The following NPHP3 variants were observed in gnomAD, a reference collection of about 807,000 sequenced individuals.
NPHP3 encodes nephrocystin-3.
A neutral mutation model predicts 171.9 loss-of-function variants in NPHP3; 123 were observed. The observed-to-expected ratio is 0.72, with a 90% CI of 0.62 to 0.83. The LOEUF is 0.83. NPHP3 is among the 40% of genes least tolerant of loss of function. The pLI is 0.00. For missense variants in NPHP3, 1,506 were observed against 1,591.9 expected (o/e 0.95, Z 0.92); for synonymous variants, 558 against 579.2 (o/e 0.96, Z 0.52).
rs2107974643 is a variant in NPHP3 at position 132,694,899 on chromosome 3, T to C, written c.2238A>G (p.Ser746=). 1.2e-6 allele frequency: 2 copies of C among 1,613,814 alleles called. No homozygotes were observed. The highest frequency in any genetic ancestry group is 2.7e-5 in the African/African-American group (2 of 75,058). The change falls in exon 16 of 27, where the codon TCA becomes TCG. Residue 746 remains serine, a synonymous_variant. Coordinates refer to ENST00000337331, the MANE Select transcript of NPHP3 (RefSeq NM_153240.5). ...HQCFQCQDTL[S]LYRLVLHSIR... ...TAGAGTGCAGAACAAGTCTATATAA[T>C]GAAAGAGTATCTTGACACTGGAAAC... is the stretch of plus-strand genomic sequence containing the variant.
In NPHP3 at chr3:132,681,972, C is replaced by T; in HGVS notation, c.3931G>A (p.Asp1311Asn). 6.2e-7 allele frequency: 1 copy of T among 1,614,108 alleles called. No homozygotes were observed. Among genetic ancestry groups the T allele is most frequent in the South Asian group, 1.1e-5 (1 of 91,084 alleles). The part of the protein sequence containing the change: ...KAPSRHSSSG[D>N]TFSLKTAHSP... ...TGAGCTGTTTTTAAGCTAAACGTGT[C>T]TCCACTTGATGAATGGCGTGAAGGA... Residue 1311 changes from aspartate (D) to asparagine (N), a missense_variant, in exon 27 of 27, where the codon GAC becomes AAC. Physicochemically the swap from Asp to Asn is conservative, Grantham distance 23. This residue lies in a region of NPHP3 where 569 missense variants were observed against 648.1 expected (regional missense o/e 0.88). Coordinates refer to ENST00000337331, the MANE Select transcript of NPHP3 (RefSeq NM_153240.5).
In NPHP3 at chr3:132,696,802, T is replaced by C. The variant is rs1375620494; in HGVS notation, c.2100A>G (p.Leu700=). 1.2e-6 allele frequency: 2 copies of C among 1,613,812 alleles called. No individual in the cohort carries two copies. Among genetic ancestry groups the C allele is most frequent in the Non-Finnish European group, 8.5e-7 (1 of 1,179,822 alleles). The change falls in exon 15 of 27, where the codon CTA becomes CTG. Residue 700 remains leucine (L), a synonymous_variant. Transcript: ENST00000337331. The part of the protein sequence containing the change: ...IKLSKEQEKK[L]ERHCRSATTC... ...TTGTAGCAGAACGACAGTGTCGTTCTAGCTTCTTCTCCTGCACCAGTTTAC... is the reference window on the plus strand; with the variant it reads ...TTGTAGCAGAACGACAGTGTCGTTCCAGCTTCTTCTCCTGCACCAGTTTAC...
chr3:132,691,088 A>AT (rs1939287452), intron 18 of NPHP3, 104 bp downstream of exon 18: 1 of 884,412 alleles, frequency 1.1e-6, no homozygotes. Flanking sequence ...TTTTGTAATA[A>AT]TTAAGTTTTT....
chr3:132,715,884 G>A (rs1940037368), intron 4 of NPHP3, among the ~76,000 whole-genome samples: 1 of 152,154 alleles, frequency 6.6e-6, no homozygotes, highest in South Asian at 2.1e-4. Flanking sequence ...GGTATCAATG[G>A]AGGATTGGTA....
chr3:132,707,321 A>C (rs894511927), intron 7 of NPHP3, among the ~76,000 whole-genome samples: 10 of 152,148 alleles, frequency 6.6e-5, no homozygotes, highest in Non-Finnish European at 1.5e-4. Context: ...CAAAGTAGCC[A>C]GGCATGGTGG....
At chr3:132,709,959 A>G (rs1255276450) in intron 6 of NPHP3, among the ~76,000 whole-genome samples, 1 of 152,170 alleles carries the variant, frequency 6.6e-6, no homozygotes, top group Non-Finnish European at 1.5e-5. Flanking sequence ...CTGTTCAGGC[A>G]CACGTCCATA....
At chr3:132,700,084 AACTGAAGTAGTTACACGTAGTT>A (rs1354823443) in intron 11 of NPHP3, 23 bp from the exon 12 acceptor site, 1 of 1,613,210 alleles carries the variant, frequency 6.2e-7, no homozygotes, top group South Asian at 1.1e-5. Context: ...AACACACACA[AACTGAAGTAGTTACACGTAGTT>A]ACTGAAGTAG....
intron 5 of NPHP3, among the ~76,000 whole-genome samples, chr3:132,714,568 AAAT>A (rs1939998206): frequency 2.9e-5 from 3 of 104,960 alleles, no homozygotes; most frequent in Non-Finnish European, 4.2e-5. Context: ...AAAAAAAAAT[AAAT>A]AAATTAAATT....
intron 22 of NPHP3, among the ~76,000 whole-genome samples, chr3:132,686,808 G>A (rs1939174266): frequency 6.6e-6 from 1 of 152,112 alleles, no homozygotes; most frequent in African/African-American, 2.4e-5. Flanking sequence ...CTTTTATTGT[G>A]TATTTGAGGG....
In NPHP3 at chr3:132,694,095, T is replaced by C. The variant is rs984645914; in HGVS notation, c.2310+732A>G. ...TTAAAGTTCTAACAACTAAGCAGTATGGTACTGGCAAATAATAGGCAAAAT... is the reference window on the plus strand; with the variant it reads ...TTAAAGTTCTAACAACTAAGCAGTACGGTACTGGCAAATAATAGGCAAAAT... On this transcript the variant is annotated intron_variant, in intron 16 of 26. Transcript: ENST00000337331. Among the ~76,000 whole-genome samples the C allele has an allele frequency of 5.3e-5, 8 of 152,142 alleles. No individual in the cohort carries two copies. The South Asian group carries it at 6.2e-4, about 12-fold the overall frequency.
chr3:132,684,548 ACTT>A lies in NPHP3; in HGVS notation c.3570+3_3570+5del. 6.2e-7 allele frequency: 1 copy of A among 1,613,762 alleles called. No individual in the cohort carries two copies. The highest frequency in any genetic ancestry group is 1.7e-5 in the Admixed American group (1 of 60,028). ...AAAACATGTAAGAATGTCAAAGCTT[ACTT>A]ACCATTTTCTTATACAAGATGGCAA... On this transcript the variant is annotated splice_donor_5th_base_variant and intron_variant, in intron 24 of 26. Coordinates refer to ENST00000337331, the MANE Select transcript of NPHP3 (RefSeq NM_153240.5).
chr3:132,713,026 TATAAGGATGCA>T, intron 6 of NPHP3, 89 bp downstream of exon 6: 1 of 571,882 alleles, frequency 1.7e-6, no homozygotes, highest in African/African-American at 1.9e-5. Flanking sequence ...ATTTTTTTAT[TATAAGGATGCA>T]ATAAAATTTA....
In NPHP3 at chr3:132,699,435, T is replaced by G. The variant is rs145166784; in HGVS notation, c.1903A>C (p.Met635Leu). ...IDQVQQVEKH[M>L]KWLIDPLPVN... ...GGCAGTGGATCTATCAGCCATTTCA[T>G]GTGTTTTTCAACTTGCTTAAAAATA... The change falls in exon 13 of 27, where the codon ATG (methionine) becomes CTG (leucine). Residue 635 changes from methionine to leucine, a missense_variant. Physicochemically the swap from Met to Leu is conservative, Grantham distance 15 (BLOSUM62 2). Around this residue, in one of 3 missense-constraint regions of NPHP3, gnomAD observed 930 missense variants for 924.9 expected, o/e 1.01. Coordinates refer to ENST00000337331, the MANE Select transcript of NPHP3 (RefSeq NM_153240.5). The G allele has an allele frequency of 2.5e-6, 4 of 1,610,316 alleles. No homozygotes were observed. In the East Asian group the frequency reaches 8.9e-5, roughly 36 times the overall value.
intron 7 of NPHP3, among the ~76,000 whole-genome samples, chr3:132,706,097 T>A (rs149755457): frequency 1.3e-5 from 2 of 151,934 alleles, no homozygotes; most frequent in African/African-American, 2.4e-5. Flanking sequence ...CGGTGGCTCA[T>A]GCCTGTAATC....
chr3:132,707,576 T>C (rs1939788232), intron 7 of NPHP3, among the ~76,000 whole-genome samples: 1 of 152,202 alleles, frequency 6.6e-6, no homozygotes, highest in African/African-American at 2.4e-5. Context: ...CAGATCATAC[T>C]CTTGCTAGCC....
intron 13 of NPHP3, among the ~76,000 whole-genome samples, chr3:132,697,575 T>C (rs1458089693): frequency 6.6e-6 from 1 of 152,206 alleles, no homozygotes; most frequent in Non-Finnish European, 1.5e-5. Flanking sequence ...CAACAAACAG[T>C]GTTATAAAAT....
intron 6 of NPHP3, 100 bp downstream of exon 6, chr3:132,713,026 T>C (rs1396207523): frequency 4.0e-5 from 23 of 571,764 alleles, no homozygotes; most frequent in Non-Finnish European, 9.1e-6. Flanking sequence ...ATTTTTTTAT[T>C]ATAAGGATGC....
intron 24 of NPHP3, among the ~76,000 whole-genome samples, chr3:132,684,178 TCTC>T (rs1441635485): frequency 6.6e-6 from 1 of 152,180 alleles, no homozygotes; most frequent in African/African-American, 2.4e-5. Context: ...TACAAAGACA[TCTC>T]CTGATTTCTT....
chr3:132,683,755 AT>A (rs1265027996), intron 24 of NPHP3, among the ~76,000 whole-genome samples: 2 of 152,332 alleles, frequency 1.3e-5, no homozygotes, highest in Middle Eastern at 3.4e-3. Context: ...ATCATCCACT[AT>A]TACTGTTTCT....
Sources: allele counts gnomAD v4.1 joint callset (sites outside exome capture counted in the v4.1 genomes callset), GRCh38; gene constraint gnomAD v4.1.1; regional missense constraint gnomAD v4.1.1; transcripts MANE v1.5; gene names NCBI Gene and HGNC (gene_info 2026-07-23, HGNC 2026-07-21).